The following GPHN variants were observed in gnomAD, a reference collection of about 807,000 sequenced individuals.
The protein encoded by GPHN is gephyrin.
Under a neutral mutation model 95.5 loss-of-function variants are expected in GPHN, and 17 were observed. The ratio of observed to expected loss-of-function variants is 0.18; its 90% CI spans 0.12 to 0.27. The LOEUF (loss-of-function observed/expected upper bound fraction) is 0.27. Among genes scored for constraint, GPHN ranks in the 10% least tolerant of loss-of-function variants. The probability of loss-of-function intolerance (pLI) is 1.00; values close to 1 mark genes in which losing one functional copy is unlikely to be tolerated. For missense variants in GPHN, 660 were observed against 978.1 expected (o/e 0.67, Z 4.34); for synonymous variants, 320 against 322.5 (o/e 0.99, Z 0.08).
intron 1 of GPHN, among the ~76,000 whole-genome samples, chr14:66,516,838 A>C (rs538914328): frequency 2.0e-5 from 3 of 152,330 alleles, no homozygotes; most frequent in African/African-American, 7.2e-5. Context: ...ATATCTTATA[A>C]ATAAGAAACT....
the GPHN span, chr14:67,579,594 C>A: frequency 1.1e-6 from 1 of 925,058 alleles, no homozygotes; most frequent in Non-Finnish European, 1.6e-6. Flanking sequence ...ACACAGAAAC[C>A]AACTTGCTTT....
At chr14:67,013,773 A>ATTAGGGTT (rs1214626899) in intron 9 of GPHN, among the ~76,000 whole-genome samples, 1 of 152,098 alleles carries the variant, frequency 6.6e-6, no homozygotes, top group South Asian at 2.1e-4. Flanking sequence ...TGAGTAAAGC[A>ATTAGGGTT]TTAGGGTTTT....
At chr14:67,232,953 C>G in the GPHN span, among the ~76,000 whole-genome samples, 1 of 151,956 alleles carries the variant, frequency 6.6e-6, no homozygotes. Flanking sequence ...ATTTACACAG[C>G]TACAAATTTA....
At chr14:67,171,822 G>A (rs999595494) in intron 21 of GPHN, among the ~76,000 whole-genome samples, 3 of 152,016 alleles carry the variant, frequency 2.0e-5, no homozygotes, top group Non-Finnish European at 4.4e-5. Context: ...CTCCACCATC[G>A]CATCCCCCAG....
At chr14:67,433,965 A>T in the GPHN span, among the ~76,000 whole-genome samples, 2 of 152,230 alleles carry the variant, frequency 1.3e-5, no homozygotes, top group Non-Finnish European at 2.9e-5. Flanking sequence ...ACGGATCTAA[A>T]TGTGTTTTTA....
At chr14:67,396,293 G>A in the GPHN span, among the ~76,000 whole-genome samples, 8 of 151,350 alleles carry the variant, frequency 5.3e-5, no homozygotes, top group Non-Finnish European at 5.9e-5. Context: ...GACTACAGAC[G>A]CCCACCACCC....
the GPHN span, among the ~76,000 whole-genome samples, chr14:67,281,929 C>T: frequency 2.0e-5 from 3 of 151,684 alleles, no homozygotes; most frequent in Non-Finnish European, 4.4e-5. Context: ...TTTAAAAGTA[C>T]CTATGTGTGG....
intron 12 of GPHN, among the ~76,000 whole-genome samples, chr14:67,090,167 C>A (rs192668876): frequency 3.3e-5 from 5 of 152,162 alleles, no homozygotes; most frequent in Admixed American, 3.3e-4. Flanking sequence ...TTTATCAGAG[C>A]TGTTAAGCAT....
chr14:66,765,169 G>A (rs1451677824), intron 2 of GPHN, among the ~76,000 whole-genome samples: 1 of 152,174 alleles, frequency 6.6e-6, no homozygotes, highest in Admixed American at 6.6e-5. Flanking sequence ...AAAAAGAACA[G>A]GTACTGACAA....
chr14:67,536,266 G>C, the GPHN span, among the ~76,000 whole-genome samples: 4 of 151,842 alleles, frequency 2.6e-5, no homozygotes, highest in African/African-American at 9.7e-5. Flanking sequence ...ACAGTGCTGA[G>C]ATCAGAGGAA....
intron 1 of GPHN, among the ~76,000 whole-genome samples, chr14:66,670,664 CG>C (rs1231777111): frequency 2.6e-5 from 4 of 152,142 alleles, no homozygotes; most frequent in Admixed American, 6.5e-5. Flanking sequence ...TGGTGGCGAA[CG>C]CCTGTGGTCC....
intron 21 of GPHN, among the ~76,000 whole-genome samples, chr14:67,172,791 C>A (rs1164826047): frequency 6.6e-6 from 1 of 152,164 alleles, no homozygotes; most frequent in Admixed American, 6.5e-5. Flanking sequence ...CAGTGCTCCA[C>A]CAGTCTGGAT....
rs569565504 is a variant in GPHN at position 67,060,652 on chromosome 14, A to G, written c.1144+1866A>G. 5.3e-5 allele frequency among the ~76,000 whole-genome samples: 8 copies of G among 152,372 alleles called. No homozygotes were observed. In the East Asian group the frequency reaches 1.3e-3, roughly 26 times the overall value. On this transcript the variant is annotated intron_variant, in intron 11 of 22. Coordinates refer to ENST00000478722, the MANE Select transcript of GPHN (RefSeq NM_020806.5). ...CCCCATGGATTTCATAGGCTAGTGC[A>G]GAAGAGATGGGTAAATTAATGTGGT...
chr14:67,092,657 G>A (rs188297279), intron 12 of GPHN, among the ~76,000 whole-genome samples: 2 of 152,092 alleles, frequency 1.3e-5, no homozygotes, highest in East Asian at 3.9e-4. Flanking sequence ...GAAATAAGTA[G>A]AAACAGCTCA....
At chr14:66,955,890 T>C (rs1354086496) in intron 8 of GPHN, among the ~76,000 whole-genome samples, 7 of 150,374 alleles carry the variant, frequency 4.7e-5, no homozygotes, top group Non-Finnish European at 1.0e-4. Context: ...GAACTCATCC[T>C]TTTTTTATGG....
the GPHN span, chr14:67,205,009 A>G: frequency 6.4e-7 from 1 of 1,557,906 alleles, no homozygotes. Context: ...AGTCACAGAC[A>G]GCTCTGATAT....
At chr14:67,196,556 A>T in the GPHN span, among the ~76,000 whole-genome samples, 5 of 152,166 alleles carry the variant, frequency 3.3e-5, no homozygotes, top group African/African-American at 1.2e-4. Context: ...AGATGTCAAC[A>T]AAAGGTTTTC....
At chr14:67,141,161 C>T (rs1345364111) in intron 17 of GPHN, among the ~76,000 whole-genome samples, 1 of 152,154 alleles carries the variant, frequency 6.6e-6, no homozygotes, top group African/African-American at 2.4e-5. Context: ...TCCTTGGGAG[C>T]TTGCTTCCCA....
At chr14:67,276,979 A>G in the GPHN span, among the ~76,000 whole-genome samples, 1 of 152,218 alleles carries the variant, frequency 6.6e-6, no homozygotes, top group Non-Finnish European at 1.5e-5. Flanking sequence ...GATTTTTAAT[A>G]TCCAGTAATT....
Sources: gnomAD v4.1 joint callset for allele counts (sites outside exome capture counted in the v4.1 genomes callset) on GRCh38, gnomAD v4.1.1 for gene constraint, MANE v1.5 for transcripts, NCBI Gene and HGNC (gene_info 2026-07-23, HGNC 2026-07-21) for gene names.